PHF21A: variants seen among roughly 807,000 people sequenced by gnomAD.
PHF21A encodes the protein BHC80a.
In PHF21A, 11 loss-of-function variants were observed where a neutral mutation model predicts 82.5. The ratio of observed to expected loss-of-function variants is 0.13; its 90% CI spans 0.08 to 0.22. PHF21A has a LOEUF of 0.22. Ranked by LOEUF, PHF21A falls within the 10% of genes least tolerant of loss-of-function variation. The pLI is 1.00. For missense variants in PHF21A, 579 were observed against 837.8 expected, an observed-to-expected ratio of 0.69 and a Z score of 3.81; for synonymous variants, 297 against 302.8, an observed-to-expected ratio of 0.98 and a Z score of 0.20.
At chr11:46,090,256 A>T (rs7112677) in intron 3 of PHF21A, among the ~76,000 whole-genome samples, 199 bp downstream of exon 3, 51,449 of 151,442 alleles carry the variant, frequency 0.34, 10,756 homozygotes, top group South Asian at 0.49. Context: ...ATGACTATTT[A>T]AAAAAAAACT....
chr11:46,091,187 C>T (rs1422773934), intron 2 of PHF21A, among the ~76,000 whole-genome samples: 4 of 152,302 alleles, frequency 2.6e-5, no homozygotes, highest in East Asian at 3.9e-4. Flanking sequence ...CAAATATCTA[C>T]TATATCTACT....
intron 6 of PHF21A, among the ~76,000 whole-genome samples, chr11:46,036,657 C>T (rs1249061775): frequency 1.3e-5 from 2 of 152,102 alleles, no homozygotes; most frequent in Admixed American, 6.5e-5. Context: ...AGGTTTCTTG[C>T]TTTTCTGACT....
At chr11:45,949,358 A>C in intron 13 of PHF21A, 44 bp downstream of exon 13, 1 of 1,519,312 alleles carries the variant, frequency 6.6e-7, no homozygotes, top group Non-Finnish European at 9.1e-7. Flanking sequence ...GCTCATAAAT[A>C]AAACTGGAAC....
chr11:45,961,800 CA>C (rs376825223), intron 10 of PHF21A, among the ~76,000 whole-genome samples: 14 of 152,306 alleles, frequency 9.2e-5, no homozygotes, highest in African/African-American at 3.4e-4. Flanking sequence ...AGGACAAGGA[CA>C]GGGGAGGTGA....
intron 6 of PHF21A, among the ~76,000 whole-genome samples, chr11:46,073,544 T>A (rs1280745644): frequency 6.6e-6 from 1 of 152,154 alleles, no homozygotes; most frequent in South Asian, 2.1e-4. Flanking sequence ...CATAAGAGTA[T>A]ACAGAAAAAA....
chr11:45,934,163 C>A lies in PHF21A; in HGVS notation c.1851G>T (p.Glu617Asp), dbSNP rs769053462. The A allele has an allele frequency of 1.7e-5, 28 of 1,614,024 alleles. No individual in the cohort carries two copies. The highest frequency in any genetic ancestry group is 2.4e-5 in the Non-Finnish European group (28 of 1,180,022). ...ARQKEMHSSL[E>D]KVKQLIRLIH... is the part of the protein sequence containing the mutation. ...TGAGGCGAATCAGCTGTTTTACCTT[C>A]TCCAGGGAGCTGTGCATCTCCTTCT... The change falls in exon 19 of 19, where the codon GAG (glutamate) becomes GAT (aspartate). Residue 617 changes from glutamate (E) to aspartate (D), a missense_variant. By Grantham distance (45) the Glu-to-Asp change is conservative. Around this residue, in one of 3 missense-constraint regions of PHF21A, gnomAD observed 157 missense variants for 149.4 expected, o/e 1.05. Transcript: ENST00000676320.
At chr11:46,024,549 C>T (rs1034029325) in intron 6 of PHF21A, among the ~76,000 whole-genome samples, 4 of 151,988 alleles carry the variant, frequency 2.6e-5, no homozygotes, top group African/African-American at 4.8e-5. Flanking sequence ...CCTGTAATTC[C>T]AGGACTTTGG....
intron 6 of PHF21A, among the ~76,000 whole-genome samples, chr11:46,006,128 C>T (rs549111508): frequency 3.4e-4 from 52 of 152,166 alleles, no homozygotes; most frequent in African/African-American, 1.2e-3. Flanking sequence ...GATTAAAGAA[C>T]CAGATTAACT....
rs2135464318 is a variant in PHF21A at position 45,949,391 on chromosome 11, G to A, written c.1227+11C>T. On this transcript the variant is annotated intron_variant, in intron 13 of 18. Transcript: ENST00000676320. The stretch of plus-strand genomic sequence containing the variant: ...AACATGAGGGAAGGGCCAGATGCTG[G>A]CCAGTAATACCTCTGGCTCAAAGAC... The A allele has an allele frequency of 6.2e-7, 1 of 1,609,540 alleles. No individual in the cohort carries two copies. Among genetic ancestry groups the A allele is most frequent in the East Asian group, 2.2e-5 (1 of 44,866 alleles).
chr11:45,948,115 T>C (rs1204678800), intron 14 of PHF21A, among the ~76,000 whole-genome samples: 15 of 152,204 alleles, frequency 9.9e-5, no homozygotes, highest in Admixed American at 9.8e-4. Context: ...AGGGACACAT[T>C]ACCATGTGGA....
intron 6 of PHF21A, among the ~76,000 whole-genome samples, chr11:46,063,180 G>A (rs1379786577): frequency 6.6e-6 from 1 of 152,146 alleles, no homozygotes; most frequent in South Asian, 2.1e-4. Flanking sequence ...AATTGAATTC[G>A]CCGGGGGGGC....
intron 6 of PHF21A, among the ~76,000 whole-genome samples, chr11:45,986,529 G>A (rs1448080067): frequency 6.6e-6 from 1 of 152,058 alleles, no homozygotes; most frequent in Admixed American, 6.5e-5. Context: ...AACTACAATC[G>A]AACAATGCAT....
chr11:46,015,572 A>G (rs1226955991), intron 6 of PHF21A, among the ~76,000 whole-genome samples: 1 of 152,124 alleles, frequency 6.6e-6, no homozygotes. Context: ...GACTCTTTGT[A>G]ATAACAGCTT....
At chr11:45,964,385 AGGT>A (rs961883312) in intron 10 of PHF21A, among the ~76,000 whole-genome samples, 27 of 152,168 alleles carry the variant, frequency 1.8e-4, no homozygotes, top group African/African-American at 6.3e-4. Context: ...CCTGGGTTTA[AGGT>A]CTAGTACCCT....
At chr11:45,985,465 A>G (rs373010140) in intron 6 of PHF21A, among the ~76,000 whole-genome samples, 44 of 152,356 alleles carry the variant, frequency 2.9e-4, no homozygotes, top group African/African-American at 1.0e-3. Flanking sequence ...GAGAAACTCA[A>G]GATAAACTCC....
intron 16 of PHF21A, among the ~76,000 whole-genome samples, chr11:45,937,388 T>C (rs551053607): frequency 3.4e-4 from 52 of 152,348 alleles, no homozygotes; most frequent in African/African-American, 1.2e-3. Context: ...TGTTTGCCTT[T>C]TAAGTCTATA....
intron 7 of PHF21A, among the ~76,000 whole-genome samples, chr11:45,976,170 G>A (rs1462460603): frequency 6.6e-6 from 1 of 151,894 alleles, no homozygotes; most frequent in Non-Finnish European, 1.5e-5. Context: ...CTATTTTGAC[G>A]CCATCCTTTT....
intron 2 of PHF21A, among the ~76,000 whole-genome samples, chr11:46,091,812 T>C (rs1203263517): frequency 1.4e-5 from 2 of 143,218 alleles, no homozygotes; most frequent in Non-Finnish European, 3.0e-5. Context: ...CTCAGCTTCC[T>C]AAGTAACTGG....
rs1336546168 is a variant in PHF21A, at chr11:45,933,888, C to G, written c.*80G>C. 2 of 1,337,834 alleles carry G rather than the reference C, an allele frequency of 1.5e-6. No homozygotes were observed. Among genetic ancestry groups the G allele is most frequent in the Non-Finnish European group, 2.0e-6 (2 of 994,692 alleles). 82.9% of individuals were successfully genotyped at this position (1,337,834 alleles called of 1,614,324 possible). ...AAAGAATTCTGCACTTTCCAGAAAT[C>G]CGGCTTTGCTTTTCTAGAGTCTTCA... On this transcript the variant is annotated 3_prime_UTR_variant, in exon 19 of 19. Coordinates refer to ENST00000676320, the MANE Select transcript of PHF21A (RefSeq NM_001352027.3).
Sources: gnomAD v4.1 joint callset for allele counts (sites outside exome capture counted in the v4.1 genomes callset) on GRCh38, gnomAD v4.1.1 for gene constraint, gnomAD v4.1.1 regional missense constraint, MANE v1.5 for transcripts, NCBI Gene and HGNC (gene_info 2026-07-23, HGNC 2026-07-21) for gene names.